EPS15L1: variants seen among roughly 807,000 people sequenced by gnomAD.
The protein encoded by EPS15L1 is epidermal growth factor receptor substrate 15-like 1.
A neutral mutation model predicts 117.1 loss-of-function variants in EPS15L1; 43 were observed. The ratio of observed to expected loss-of-function variants is 0.37; its 90% confidence interval spans 0.29 to 0.47. The LOEUF (loss-of-function observed/expected upper bound fraction) is 0.47, where lower values mean the gene tolerates loss of function less well. Ranked by LOEUF, EPS15L1 falls within the 20% of genes least tolerant of loss-of-function variation. EPS15L1 has a pLI of 0.99. For missense variants in EPS15L1, 981 were observed against 1,164.0 expected (o/e 0.84, Z 2.29); for synonymous variants, 459 against 470.5 (o/e 0.98, Z 0.32).
chr19:16,439,623 C>T (rs1216030347), intron 4 of EPS15L1, among the ~76,000 whole-genome samples: 1 of 152,016 alleles, frequency 6.6e-6, no homozygotes, highest in Non-Finnish European at 1.5e-5. Flanking sequence ...CCCAGAAGAT[C>T]GAGGCTGCAG....
chr19:16,467,826 A>G (rs149625905), intron 1 of EPS15L1, among the ~76,000 whole-genome samples: 1 of 152,332 alleles, frequency 6.6e-6, no homozygotes, highest in Admixed American at 6.5e-5. Flanking sequence ...GCTCTGCGGC[A>G]GGAGGACGCA....
At chr19:16,459,457 G>C (rs2093227760) in intron 1 of EPS15L1, among the ~76,000 whole-genome samples, 2 of 152,200 alleles carry the variant, frequency 1.3e-5, no homozygotes, top group Admixed American at 6.5e-5. Flanking sequence ...GTCTGTTGAG[G>C]GCATGGGTGA....
At chr19:16,460,668 G>A (rs893786274) in intron 1 of EPS15L1, among the ~76,000 whole-genome samples, 4 of 152,364 alleles carry the variant, frequency 2.6e-5, no homozygotes, top group Admixed American at 6.5e-5. Flanking sequence ...GACCCACAGA[G>A]AAAGTTTCCA....
intron 7 of EPS15L1, among the ~76,000 whole-genome samples, chr19:16,431,015 G>A (rs2092922291): frequency 6.6e-6 from 1 of 152,112 alleles, no homozygotes; most frequent in Non-Finnish European, 1.5e-5. Context: ...AAGGCAGGCG[G>A]ATCACCTGAG....
intron 8 of EPS15L1, 52 bp downstream of exon 8, chr19:16,428,650 G>T: frequency 7.3e-7 from 1 of 1,370,158 alleles, no homozygotes; most frequent in Non-Finnish European, 1.0e-6. Context: ...CAACCCCTGC[G>T]CACTGCACAT....
At chr19:16,386,091 G>C (rs1182934097) in intron 20 of EPS15L1, 80 bp downstream of exon 20, 1 of 1,087,610 alleles carries the variant, frequency 9.2e-7, no homozygotes, top group African/African-American at 1.6e-5. Flanking sequence ...GCTGGCTTTG[G>C]GAGTGAAAGT....
At chr19:16,394,203 G>C (rs1255506132) in intron 17 of EPS15L1, among the ~76,000 whole-genome samples, 5 of 152,194 alleles carry the variant, frequency 3.3e-5, no homozygotes, top group African/African-American at 9.7e-5. Context: ...GGAGGCAGCT[G>C]TTTCTGGCTA....
rs983893601 is a variant in EPS15L1, at chr19:16,370,445, C to A, written c.2380+6677G>T. 6.6e-6 allele frequency among the ~76,000 whole-genome samples: 1 copy of A among 152,032 alleles called. No homozygotes were observed. The highest frequency in any genetic ancestry group is 2.4e-5 in the African/African-American group (1 of 41,362). ...TCCTGGAGGCAGGTACACCCGATGT[C>A]CCCAGGGCGATGGCTCCCGTCTGTT... On this transcript the variant is annotated intron_variant, in intron 22 of 23. Transcript: ENST00000455140. The surrounding 1 kb of genome is among the most constrained non-coding windows in gnomAD (Gnocchi z 5.2).
chr19:16,442,568 CCT>C (rs1350367882), intron 1 of EPS15L1, among the ~76,000 whole-genome samples: 1 of 152,156 alleles, frequency 6.6e-6, no homozygotes, highest in Non-Finnish European at 1.5e-5. Flanking sequence ...GACACTCTAT[CCT>C]CTGAGATTGT....
At chr19:16,438,160 C>A (rs1295714913) in intron 4 of EPS15L1, among the ~76,000 whole-genome samples, 1 of 152,090 alleles carries the variant, frequency 6.6e-6, no homozygotes, top group African/African-American at 2.4e-5. Flanking sequence ...CGAGACCAGC[C>A]TGGCCAACAT....
intron 13 of EPS15L1, chr19:16,413,387 CATCCTGGGCAACTT>C: frequency 1.4e-6 from 1 of 698,226 alleles, no homozygotes; most frequent in East Asian, 2.5e-5. Flanking sequence ...GCTGCACTGC[CATCCTGGGCAACTT>C]CGACAAGGCC....
At chr19:16,375,122 C>G (rs2092277895) in intron 22 of EPS15L1, among the ~76,000 whole-genome samples, 1 of 152,202 alleles carries the variant, frequency 6.6e-6, no homozygotes, top group African/African-American at 2.4e-5. Flanking sequence ...AATATGCACA[C>G]ATGTCCACAG....
At chr19:16,417,692 A>G (rs1354794683) in intron 11 of EPS15L1, 55 bp from the exon 12 acceptor site, 2 of 1,461,324 alleles carry the variant, frequency 1.4e-6, no homozygotes, top group African/African-American at 2.8e-5. Context: ...ATCACCTGAC[A>G]GGAGGCACCA....
chr19:16,418,198 G>C, intron 10 of EPS15L1, 94 bp from the exon 11 acceptor site: 3 of 1,428,162 alleles, frequency 2.1e-6, no homozygotes, highest in Non-Finnish European at 2.9e-6. Context: ...AAACGACAGC[G>C]ACGAAAACAA....
chr19:16,434,220 C>T, intron 7 of EPS15L1, 145 bp downstream of exon 7: 2 of 1,114,000 alleles, frequency 1.8e-6, no homozygotes, highest in Non-Finnish European at 2.6e-6. Flanking sequence ...GGGGCTGGAC[C>T]CACAGGAGCG....
At chr19:16,427,219 G>A (rs1251959228) in intron 8 of EPS15L1, among the ~76,000 whole-genome samples, 5 of 152,148 alleles carry the variant, frequency 3.3e-5, no homozygotes, top group Non-Finnish European at 5.9e-5. Flanking sequence ...AGTTGAGTTC[G>A]AGGCTGCAGC....
chr19:16,419,201 T>C (rs779676665), intron 10 of EPS15L1, among the ~76,000 whole-genome samples: 10 of 152,342 alleles, frequency 6.6e-5, no homozygotes, highest in Non-Finnish European at 1.5e-4. Context: ...GGCTCATGCC[T>C]GTGTTCTCAA....
chr19:16,363,856 G>C (rs1313892659), intron 22 of EPS15L1, among the ~76,000 whole-genome samples: 1 of 152,220 alleles, frequency 6.6e-6, no homozygotes, highest in South Asian at 2.1e-4. Flanking sequence ...CATAAGGACT[G>C]CTGCTTTCTT....
Position 16,412,720 on chromosome 19 carries a change from G to A in EPS15L1, c.1266+1053C>T, listed in dbSNP as rs867015813. 1.8e-3 allele frequency: 295 copies of A among 164,468 alleles called. 13 individuals are homozygous for A. In the East Asian group the frequency reaches 0.055, roughly 30 times the overall value. The allele number at this position is 164,468 out of a possible 1,614,324, so 10.2% of individuals were successfully genotyped here. The stretch of plus-strand genomic sequence containing the variant: ...CACCGGTGCAGCGGGGGGTGGGGGG[G>A]GGGGGGGTGTCAGAGGCCCTGGGAT... On this transcript the variant is annotated intron_variant, in intron 13 of 23. Coordinates refer to ENST00000455140, the MANE Select transcript of EPS15L1 (RefSeq NM_001258374.3).
Sources: gnomAD v4.1 joint callset for allele counts (sites outside exome capture counted in the v4.1 genomes callset) on GRCh38, gnomAD v4.1.1 for gene constraint, Gnocchi (gnomAD v3.1) non-coding constraint, MANE v1.5 for transcripts, NCBI Gene and HGNC (gene_info 2026-07-23, HGNC 2026-07-21) for gene names.